The following LONP2 variants were observed in gnomAD, a reference collection of about 807,000 sequenced individuals.
The protein encoded by LONP2 is lon protease homolog 2, peroxisomal.
In LONP2, 60 loss-of-function variants were observed where a neutral mutation model predicts 85.6. That is an observed-to-expected ratio of 0.70 (90% CI 0.57 to 0.87). The LOEUF is 0.87. Among genes scored for constraint, LONP2 ranks in the 40% least tolerant of loss-of-function variants. The probability of loss-of-function intolerance (pLI) is 0.00; values close to 1 mark genes in which losing one functional copy is unlikely to be tolerated. For synonymous variants in LONP2, 395 were observed against 389.7 expected (o/e 1.01, Z -0.16); for missense variants, 860 against 1,063.5 (o/e 0.81, Z 2.66).
intron 8 of LONP2, among the ~76,000 whole-genome samples, chr16:48,279,547 C>T (rs982543450): frequency 6.6e-6 from 1 of 151,974 alleles, no homozygotes; most frequent in African/African-American, 2.4e-5. Flanking sequence ...TTCACCTGAG[C>T]TCTTGTTTTC....
intron 6 of LONP2, among the ~76,000 whole-genome samples, chr16:48,266,419 A>G (rs1971992021): frequency 6.6e-6 from 1 of 151,930 alleles, no homozygotes; most frequent in African/African-American, 2.4e-5. Context: ...TTTGACTTAC[A>G]TATACATCTG....
At chr16:48,322,157 A>C (rs1973279031) in intron 11 of LONP2, among the ~76,000 whole-genome samples, 1 of 152,014 alleles carries the variant, frequency 6.6e-6, no homozygotes, top group South Asian at 2.1e-4. Context: ...GCTATACAAA[A>C]AATATTTTTA....
At chr16:48,321,961 T>TA in intron 11 of LONP2, among the ~76,000 whole-genome samples, 1 of 151,564 alleles carries the variant, frequency 6.6e-6, no homozygotes, top group Non-Finnish European at 1.5e-5. Context: ...TTTTTTTACT[T>TA]CTTTTTCTTT....
rs1413107901 is a variant in LONP2, at chr16:48,261,555, G to A, written c.855G>A (p.Gln285=). Reference sequence around the variant, plus strand: ...TACGAACATCTAGTATGCCAGAGCAGGCCCATAAAGTCTGTGTCAAAGAGA... The same window carrying A: ...TACGAACATCTAGTATGCCAGAGCAAGCCCATAAAGTCTGTGTCAAAGAGA... ...KKIRTSSMPE[Q]AHKVCVKEIK... Residue 285 remains glutamine, a synonymous_variant, in exon 5 of 15, where the codon CAG becomes CAA. Transcript: ENST00000285737. 6.3e-7 allele frequency: 1 copy of A among 1,590,478 alleles called. No homozygotes were observed. The highest frequency in any genetic ancestry group is 1.4e-5 in the African/African-American group (1 of 71,048).
chr16:48,260,511 A>G (rs1361439729), intron 4 of LONP2, among the ~76,000 whole-genome samples: 4 of 152,216 alleles, frequency 2.6e-5, no homozygotes, highest in Admixed American at 2.6e-4. Flanking sequence ...AGGTGGAAGG[A>G]TTACTTGAGC....
chr16:48,340,562 G>A (rs185444671), intron 12 of LONP2, among the ~76,000 whole-genome samples: 38 of 152,260 alleles, frequency 2.5e-4, no homozygotes, highest in African/African-American at 9.1e-4. Context: ...ACTGGCAGTT[G>A]GGAAGTAAGG....
At chr16:48,323,433 T>G (rs978433165) in intron 11 of LONP2, among the ~76,000 whole-genome samples, 1 of 152,122 alleles carries the variant, frequency 6.6e-6, no homozygotes, top group Non-Finnish European at 1.5e-5. Flanking sequence ...GGCGGGTGGA[T>G]TACTTAAGCT....
chr16:48,244,431 C>G lies in LONP2; in HGVS notation c.43C>G (p.Leu15Val), dbSNP rs1288244609. Residue 15 changes from leucine (L) to valine (V), a missense_variant, in exon 1 of 15, where the codon CTG becomes GTG. Around this residue, in one of 3 missense-constraint regions of LONP2, gnomAD observed 743 missense variants for 917.3 expected, o/e 0.81. Coordinates refer to ENST00000285737, the MANE Select transcript of LONP2 (RefSeq NM_031490.5). ...SPIQIPSRLPLLLTHEGVLLP... is the reference protein window; with the variant it reads ...SPIQIPSRLPVLLTHEGVLLP... ...CATCCAGATCCCCAGTCGCCTCCCG[C>G]TGCTGCTCACCCACGAGGGCGTCCT... is the stretch of plus-strand genomic sequence containing the variant. 1.3e-6 allele frequency: 2 copies of G among 1,590,132 alleles called. No homozygotes were observed. The highest frequency in any genetic ancestry group is 2.3e-5 in the South Asian group (2 of 88,746).
At chr16:48,343,849 A>G (rs1959889866) in intron 12 of LONP2, 1 of 152,220 alleles carries the variant, frequency 6.6e-6, no homozygotes, top group African/African-American at 2.4e-5. Context: ...TATTAGACAC[A>G]TAAGGAAAGT....
intron 1 of LONP2, among the ~76,000 whole-genome samples, chr16:48,248,108 A>G (rs1971505711): frequency 6.6e-6 from 1 of 152,028 alleles, no homozygotes; most frequent in South Asian, 2.1e-4. Flanking sequence ...TCTTGTAACC[A>G]TGTACACCTA....
Position 48,244,472 on chromosome 16 carries a change from C to G in LONP2, c.84C>G (p.Thr28=), listed in dbSNP as rs1386960036. ...THEGVLLPGS[T]MRTSVDSARN... ...AGGGCGTCCTGCTGCCCGGCTCCAC[C>G]ATGCGCACCAGCGTGGACTCGGCCC... Residue 28 remains threonine, a synonymous_variant, in exon 1 of 15, where the codon ACC becomes ACG. Coordinates refer to ENST00000285737, the MANE Select transcript of LONP2 (RefSeq NM_031490.5). The G allele has an allele frequency of 1.9e-6, 3 of 1,598,794 alleles. No individual in the cohort carries two copies. Among genetic ancestry groups the G allele is most frequent in the African/African-American group, 2.7e-5 (2 of 74,524 alleles).
chr16:48,308,634 A>C (rs1972963866), intron 11 of LONP2, among the ~76,000 whole-genome samples: 1 of 151,516 alleles, frequency 6.6e-6, no homozygotes, highest in South Asian at 2.1e-4. Flanking sequence ...GTCTCAAAAA[A>C]AAAAAAAAAA....
chr16:48,321,455 C>T (rs891923531), intron 11 of LONP2, among the ~76,000 whole-genome samples: 1 of 152,104 alleles, frequency 6.6e-6, no homozygotes, highest in Non-Finnish European at 1.5e-5. Flanking sequence ...CTTGTTTATA[C>T]CAGTTTATTC....
chr16:48,314,397 G>C (rs901805719), intron 11 of LONP2, among the ~76,000 whole-genome samples: 1 of 152,048 alleles, frequency 6.6e-6, no homozygotes, highest in African/African-American at 2.4e-5. Context: ...GTCCTGAATG[G>C]TATTGCCTAG....
intron 11 of LONP2, among the ~76,000 whole-genome samples, chr16:48,308,194 C>T (rs1228564311): frequency 6.6e-6 from 1 of 152,200 alleles, no homozygotes; most frequent in Admixed American, 6.5e-5. Flanking sequence ...CACAAATCTA[C>T]AGCCAACTGA....
chr16:48,336,939 T>G (rs950423918), intron 12 of LONP2, among the ~76,000 whole-genome samples: 3 of 152,228 alleles, frequency 2.0e-5, no homozygotes, highest in African/African-American at 7.2e-5. Context: ...TGTCTCTACC[T>G]GTAGTGGTCT....
chr16:48,350,971 GT>G (rs1280840448), intron 14 of LONP2, among the ~76,000 whole-genome samples: 1 of 152,112 alleles, frequency 6.6e-6, no homozygotes, highest in Non-Finnish European at 1.5e-5. Context: ...AGCAGCTCTC[GT>G]TTTTTGTGAC....
At chr16:48,272,905 C>T (rs1376574132) in intron 7 of LONP2, among the ~76,000 whole-genome samples, 1 of 152,090 alleles carries the variant, frequency 6.6e-6, no homozygotes, top group Non-Finnish European at 1.5e-5. Context: ...GAGGGCAGAG[C>T]ATGCACTTAG....
At chr16:48,336,589 A>G (rs1959656754) in intron 12 of LONP2, 1 of 375,218 alleles carries the variant, frequency 2.7e-6, no homozygotes, top group African/African-American at 2.1e-5. Context: ...ATTACAGTCA[A>G]AGGGGGTTGT....
Sources: allele counts gnomAD v4.1 joint callset (sites outside exome capture counted in the v4.1 genomes callset), GRCh38; gene constraint gnomAD v4.1.1; regional missense constraint gnomAD v4.1.1; transcripts MANE v1.5; gene names NCBI Gene and HGNC (gene_info 2026-07-23, HGNC 2026-07-21).